Variants in CDH18 observed in about 807,000 individuals in gnomAD.
The protein encoded by CDH18 is cadherin-18.
Under a neutral mutation model 67.9 loss-of-function variants are expected in CDH18, and 31 were observed. The ratio of observed to expected loss-of-function variants is 0.46; its 90% CI spans 0.34 to 0.62. The LOEUF is 0.62. CDH18 is among the 20% of genes least tolerant of loss of function. The pLI, the probability that CDH18 is intolerant of heterozygous loss-of-function variation, is 0.01. For synonymous variants in CDH18, 362 were observed against 347.2 expected, an observed-to-expected ratio of 1.04 and a Z score of -0.48; for missense variants, 890 against 975.5, an observed-to-expected ratio of 0.91 and a Z score of 1.17.
At chr5:20,315,037 A>G (rs1321980330) in intron 1 of CDH18, among the ~76,000 whole-genome samples, 2 of 152,100 alleles carry the variant, frequency 1.3e-5, no homozygotes, top group Non-Finnish European at 2.9e-5. Context: ...AGAGTTTTAT[A>G]AACAGTTGCA....
At chr5:19,780,181 A>G (rs982120170) in intron 3 of CDH18, among the ~76,000 whole-genome samples, 5 of 152,134 alleles carry the variant, frequency 3.3e-5, no homozygotes, top group South Asian at 4.1e-4. Context: ...GTCTTTATAC[A>G]GCACCTCCAC....
rs1395841998 is a variant in CDH18 at position 20,471,839 on chromosome 5, A to AAAAAAAAAAAT, written c.-580+103622_-580+103623insATTTTTTTTTT. On this transcript the variant is annotated intron_variant, in intron 1 of 14. Transcript: ENST00000507958. ...AACAGATCGAGATTCAGTCTAAAAA[A>AAAAAAAAAAAT]AAAAAAAAAAAAGCAAAAGCATTGA... 1.1e-4 allele frequency among the ~76,000 whole-genome samples: 17 copies of AAAAAAAAAAAT among 149,474 alleles called. 1 individual carries two copies. The highest frequency in any genetic ancestry group is 4.2e-4 in the African/African-American group (17 of 40,812).
chr5:20,299,364 A>T (rs1047302741), intron 1 of CDH18, among the ~76,000 whole-genome samples: 6 of 151,546 alleles, frequency 4.0e-5, no homozygotes, highest in African/African-American at 1.5e-4. Flanking sequence ...AGAGGAGTAG[A>T]TTTCCTAAAC....
chr5:20,099,596 CAAG>C (rs142065164), intron 2 of CDH18, among the ~76,000 whole-genome samples: 23,221 of 151,816 alleles, frequency 0.15, 2,439 homozygotes, highest in African/African-American at 0.29. Flanking sequence ...TTTCTAATAT[CAAG>C]AAGAATGATG....
intron 1 of CDH18, among the ~76,000 whole-genome samples, chr5:20,381,602 T>C (rs577948545): frequency 5.1e-4 from 78 of 152,288 alleles, no homozygotes; most frequent in Non-Finnish European, 9.3e-4. Flanking sequence ...TTCTGTGTAA[T>C]TTCCTTTTCA....
At chr5:19,994,452 A>G (rs926246809) in intron 2 of CDH18, among the ~76,000 whole-genome samples, 3 of 150,876 alleles carry the variant, frequency 2.0e-5, no homozygotes, top group Non-Finnish European at 3.0e-5. Flanking sequence ...AGTTTTTGAT[A>G]TAAACAATGC....
At chr5:19,954,276 A>G (rs890024267) in intron 2 of CDH18, among the ~76,000 whole-genome samples, 1 of 152,056 alleles carries the variant, frequency 6.6e-6, no homozygotes, top group Non-Finnish European at 1.5e-5. Flanking sequence ...AACAGGTGAA[A>G]AGGCTAAAAA....
Position 20,083,957 on chromosome 5 carries a change from C to G in CDH18, c.-517-91943G>C, listed in dbSNP as rs1307424338. ...GATTTGGGTGGGGACACAGCCAAAC[C>G]ACATCATTCCGCACCTGGTCCCTCC... On this transcript the variant is annotated intron_variant, in intron 2 of 14. Transcript: ENST00000507958. 2.6e-5 allele frequency among the ~76,000 whole-genome samples: 4 copies of G among 152,118 alleles called. No individual in the cohort carries two copies. In the East Asian group the frequency reaches 5.8e-4, roughly 22 times the overall value.
chr5:19,773,374 G>A (rs1773943611), intron 3 of CDH18, among the ~76,000 whole-genome samples: 1 of 152,148 alleles, frequency 6.6e-6, no homozygotes, highest in Non-Finnish European at 1.5e-5. Context: ...GAGATGAAAA[G>A]AGAGGGATAT....
chr5:20,045,828 G>C (rs1453803977), intron 2 of CDH18, among the ~76,000 whole-genome samples: 1 of 152,034 alleles, frequency 6.6e-6, no homozygotes, highest in Non-Finnish European at 1.5e-5. Context: ...TATCTTCAGA[G>C]AAATTCAAGG....
intron 5 of CDH18, among the ~76,000 whole-genome samples, chr5:19,618,852 G>A (rs762679566): frequency 2.5e-4 from 38 of 152,072 alleles, no homozygotes; most frequent in Non-Finnish European, 7.4e-5. Flanking sequence ...AAATTAATAT[G>A]AGTACTAAGA....
chr5:20,471,314 C>T (rs1364646872), intron 1 of CDH18, among the ~76,000 whole-genome samples: 1 of 152,128 alleles, frequency 6.6e-6, no homozygotes, highest in African/African-American at 2.4e-5. Context: ...AAGGCACCAT[C>T]ATAACCTCAT....
chr5:19,628,872 T>C (rs191301298), intron 5 of CDH18, among the ~76,000 whole-genome samples: 1 of 150,030 alleles, frequency 6.7e-6, no homozygotes, highest in African/African-American at 2.5e-5. Flanking sequence ...TACTGACACA[T>C]AAGATTGAGA....
chr5:20,420,431 C>A (rs1262333693), intron 1 of CDH18, among the ~76,000 whole-genome samples: 3 of 151,030 alleles, frequency 2.0e-5, no homozygotes, highest in South Asian at 4.1e-4. Context: ...ACGTTATATT[C>A]TTTTATATAT....
intron 5 of CDH18, among the ~76,000 whole-genome samples, chr5:19,672,028 T>A (rs570601560): frequency 9.2e-5 from 14 of 152,188 alleles, no homozygotes; most frequent in Middle Eastern, 3.4e-3. Flanking sequence ...CTACCCTCCA[T>A]CCCCAAAAGC....
intron 1 of CDH18, among the ~76,000 whole-genome samples, chr5:20,551,110 A>G (rs1019419680): frequency 1.3e-5 from 2 of 152,206 alleles, no homozygotes; most frequent in Non-Finnish European, 2.9e-5. Context: ...AATAATAAAT[A>G]GATGAACGAA....
chr5:20,091,748 A>G (rs1580218773), intron 2 of CDH18, among the ~76,000 whole-genome samples: 1 of 152,140 alleles, frequency 6.6e-6, no homozygotes, highest in South Asian at 2.1e-4. Context: ...ATACTAGGAT[A>G]TTTTGTTTGG....
At chr5:20,332,527 C>T (rs1244460002) in intron 1 of CDH18, among the ~76,000 whole-genome samples, 1 of 152,102 alleles carries the variant, frequency 6.6e-6, no homozygotes, top group African/African-American at 2.4e-5. Flanking sequence ...AACAGTAAGA[C>T]CTCACTGAAT....
chr5:20,530,704 T>C (rs1174684904), intron 1 of CDH18, among the ~76,000 whole-genome samples: 1 of 151,914 alleles, frequency 6.6e-6, no homozygotes, highest in Non-Finnish European at 1.5e-5. Flanking sequence ...TTGAAACTGT[T>C]CCCCTTCTTT....
Sources: allele counts gnomAD v4.1 joint callset (sites outside exome capture counted in the v4.1 genomes callset), GRCh38; gene constraint gnomAD v4.1.1; transcripts MANE v1.5; gene names NCBI Gene and HGNC (gene_info 2026-07-23, HGNC 2026-07-21).